GTF3C3: variants seen among roughly 807,000 people sequenced by gnomAD.
GTF3C3 encodes the protein general transcription factor IIIC subunit 3.
In GTF3C3, 75 loss-of-function variants were observed where a neutral mutation model predicts 105.2. The ratio of observed to expected loss-of-function variants is 0.71; its 90% CI spans 0.59 to 0.86. The LOEUF (loss-of-function observed/expected upper bound fraction) is 0.86. GTF3C3 is among the 40% of genes least tolerant of loss of function. The probability of loss-of-function intolerance (pLI) is 0.00; values close to 1 mark genes in which losing one functional copy is unlikely to be tolerated. For missense variants in GTF3C3, 856 were observed against 1,076.5 expected (o/e 0.80, Z 2.87); for synonymous variants, 335 against 370.4 (o/e 0.90, Z 1.10).
intron 8 of GTF3C3, 44 bp from the exon 9 acceptor site, chr2:196,780,706 G>A (rs1177935928): frequency 2.5e-6 from 4 of 1,584,814 alleles, no homozygotes; most frequent in Admixed American, 1.7e-5. Flanking sequence ...ATGCAAGCTT[G>A]AGATGTGTAT....
chr2:196,790,882 T>C (rs1699535035), intron 4 of GTF3C3, among the ~76,000 whole-genome samples: 2 of 151,994 alleles, frequency 1.3e-5, no homozygotes. Flanking sequence ...TATAAGTAAT[T>C]AGTTAAAAAA....
chr2:196,794,093 T>A (rs962277875), intron 2 of GTF3C3, among the ~76,000 whole-genome samples: 2 of 151,680 alleles, frequency 1.3e-5, no homozygotes, highest in East Asian at 3.9e-4. Flanking sequence ...ATCATGGGAG[T>A]GGGACTGGTG....
In GTF3C3 at chr2:196,766,540, T is replaced by C. The variant is rs371847363; in HGVS notation, c.2538+25A>G. ...ATCTACAGACAGATGAAATGAAGTGTCTCAGTTTTAAAAATGCACAATACC... is the reference window on the plus strand; with the variant it reads ...ATCTACAGACAGATGAAATGAAGTGCCTCAGTTTTAAAAATGCACAATACC... On this transcript the variant is annotated intron_variant, in intron 17 of 17. Transcript: ENST00000263956. The C allele has an allele frequency of 3.4e-5, 53 of 1,569,404 alleles. No individual in the cohort carries two copies. In the African/African-American group the frequency reaches 6.8e-4, roughly 20 times the overall value.
At position 196,793,118 on chromosome 2, in the gene GTF3C3, G is replaced by C. The variant is rs1253614565; in HGVS notation, c.249C>G (p.His83Gln). The C allele has an allele frequency of 6.2e-7, 1 of 1,613,508 alleles. No homozygotes were observed. Among genetic ancestry groups the C allele is most frequent in the Non-Finnish European group, 8.5e-7 (1 of 1,179,606 alleles). Reference protein sequence around the residue: ...ETSDGVRKSVHKVFASMLGEN... With the variant: ...ETSDGVRKSVQKVFASMLGEN... ...CTCCAAGCATGGAAGCAAAGACCTT[G>C]TGAACTGACTTCCTCACTCCATCTG... The change falls in exon 3 of 18, where the codon CAC becomes CAG. Residue 83 changes from histidine (H) to glutamine (Q), a missense_variant. By Grantham distance (24) the His-to-Gln change is conservative. Coordinates refer to ENST00000263956, the MANE Select transcript of GTF3C3 (RefSeq NM_012086.5).
intron 8 of GTF3C3, 43 bp downstream of exon 8, chr2:196,784,814 A>C: frequency 6.4e-7 from 1 of 1,554,398 alleles, no homozygotes; most frequent in Non-Finnish European, 8.7e-7. Context: ...CTTATGACCA[A>C]GAGAGGATTA....
At chr2:196,794,620 A>G (rs1382566330) in intron 2 of GTF3C3, among the ~76,000 whole-genome samples, 1 of 151,938 alleles carries the variant, frequency 6.6e-6, no homozygotes, top group Non-Finnish European at 1.5e-5. Context: ...TTTTTAGTAG[A>G]GACGGGATTT....
rs938470690 is a variant in GTF3C3 at position 196,775,218 on chromosome 2, A to C, written c.1729T>G (p.Ser577Ala). ...TGCCTCTCTCCAGACTTGGAACTGG[A>C]TATCAAACAAACTTGGGCTCGATTC... is the stretch of plus-strand genomic sequence containing the variant. ...AMNRAQVCLI[S>A]SSKSGERHLY... is the part of the protein sequence containing the mutation. The change falls in exon 13 of 18, where the codon TCC becomes GCC. Residue 577 changes from serine to alanine, a missense_variant. This residue lies in a region of GTF3C3 where 605 missense variants were observed against 833.6 expected (regional missense o/e 0.73). Transcript: ENST00000263956. The C allele has an allele frequency of 1.2e-6, 2 of 1,607,868 alleles. No homozygotes were observed. The highest frequency in any genetic ancestry group is 1.7e-6 in the Non-Finnish European group (2 of 1,178,052).
chr2:196,768,117 A>G (rs1236121820), intron 16 of GTF3C3, among the ~76,000 whole-genome samples: 7 of 152,214 alleles, frequency 4.6e-5, no homozygotes, highest in Admixed American at 4.6e-4. Flanking sequence ...TCCTGGGTTC[A>G]AGCGACTCTC....
intron 2 of GTF3C3, among the ~76,000 whole-genome samples, chr2:196,794,792 T>C (rs1699612038): frequency 6.6e-6 from 1 of 151,768 alleles, no homozygotes; most frequent in African/African-American, 2.4e-5. Flanking sequence ...TGGAGTGCAG[T>C]GGCACGATCT....
At chr2:196,781,360 ATATATATAT>A (rs1699356901) in intron 8 of GTF3C3, among the ~76,000 whole-genome samples, 9 of 85,494 alleles carry the variant, frequency 1.1e-4, no homozygotes, top group Admixed American at 8.2e-4. Context: ...AAAAAAAAAT[ATATATATAT>A]ATATATATAT....
intron 9 of GTF3C3, among the ~76,000 whole-genome samples, chr2:196,779,282 C>G (rs1260104864): frequency 6.6e-6 from 1 of 152,166 alleles, no homozygotes; most frequent in Non-Finnish European, 1.5e-5. Flanking sequence ...TGCATACCAC[C>G]AGGCCCAGCT....
intron 6 of GTF3C3, among the ~76,000 whole-genome samples, chr2:196,788,559 C>T (rs1421412529): frequency 1.3e-5 from 2 of 152,186 alleles, no homozygotes; most frequent in East Asian, 3.8e-4. Context: ...ATTAACATTT[C>T]ACTGGCACAT....
In GTF3C3 at chr2:196,780,541, G is replaced by A; in HGVS notation, c.1218+18C>T. On this transcript the variant is annotated intron_variant, in intron 9 of 17. Coordinates refer to ENST00000263956, the MANE Select transcript of GTF3C3 (RefSeq NM_012086.5). ...GCATTTGATCTGAAGTATCTCAAGT[G>A]CAGATCTTGTTACATACATTAAGTG... 1 of 1,607,318 alleles carries A rather than the reference G, an allele frequency of 6.2e-7. No homozygotes were observed. Among genetic ancestry groups the A allele is most frequent in the Non-Finnish European group, 8.5e-7 (1 of 1,175,002 alleles).
intron 3 of GTF3C3, 26 bp downstream of exon 3, chr2:196,792,930 A>G (rs754312864): frequency 2.6e-6 from 4 of 1,511,206 alleles, no homozygotes; most frequent in Admixed American, 1.7e-5. Context: ...CATTGTTTAT[A>G]AATACCAAAA....
At chr2:196,791,286 T>A (rs1559305325) in intron 4 of GTF3C3, 51 bp downstream of exon 4, 5 of 1,592,970 alleles carry the variant, frequency 3.1e-6, no homozygotes, top group African/African-American at 1.3e-5. Context: ...CCATTTGTTT[T>A]AAGTCAGACT....
At chr2:196,766,010 C>CAAAAAAAAAAAAAAAAAAAAA (rs11424716) in intron 17 of GTF3C3, among the ~76,000 whole-genome samples, 1 of 87,172 alleles carries the variant, frequency 1.1e-5, no homozygotes, top group Non-Finnish European at 2.2e-5. Context: ...ACTCTGTCTC[C>CAAAAAAAAAAAAAAAAAAAAA]AAAAAAAAAA....
At chr2:196,780,388 C>T (rs1699326973) in intron 9 of GTF3C3, 171 bp downstream of exon 9, 8 of 1,259,712 alleles carry the variant, frequency 6.4e-6, no homozygotes, top group Non-Finnish European at 8.1e-6. Flanking sequence ...AATTGCAAAA[C>T]AATTTTAGTT....
chr2:196,780,237 C>T, intron 9 of GTF3C3: 2 of 962,182 alleles, frequency 2.1e-6, no homozygotes, highest in Non-Finnish European at 1.3e-6. Context: ...CAATAATATA[C>T]TTGGTCCAAA....
intron 16 of GTF3C3, 89 bp downstream of exon 16, chr2:196,769,826 C>T: frequency 8.9e-7 from 1 of 1,122,590 alleles, no homozygotes; most frequent in African/African-American, 1.6e-5. Context: ...TTGTGTATTA[C>T]TTTTGAAGCA....
Sources: gnomAD v4.1 joint callset for allele counts (sites outside exome capture counted in the v4.1 genomes callset) on GRCh38, gnomAD v4.1.1 for gene constraint, gnomAD v4.1.1 regional missense constraint, MANE v1.5 for transcripts, NCBI Gene and HGNC (gene_info 2026-07-23, HGNC 2026-07-21) for gene names.